The following TJP1 variants were observed in gnomAD, a reference collection of about 807,000 sequenced individuals.
TJP1 encodes tight junction protein 1, also known as tight junction protein ZO-1.
A neutral mutation model predicts 194.2 loss-of-function variants in TJP1; 43 were observed. The ratio of observed to expected loss-of-function variants is 0.22; its 90% CI spans 0.17 to 0.29. TJP1 has a LOEUF of 0.29. Among genes scored for constraint, TJP1 ranks in the 10% least tolerant of loss-of-function variants. The pLI is 1.00. For missense variants in TJP1, 1,971 were observed against 2,185.7 expected (o/e 0.90, Z 1.96); for synonymous variants, 801 against 779.0 (o/e 1.03, Z -0.47).
intron 2 of TJP1, among the ~76,000 whole-genome samples, chr15:29,954,584 C>T (rs1407252903): frequency 6.6e-6 from 1 of 152,136 alleles, no homozygotes; most frequent in Non-Finnish European, 1.5e-5. Flanking sequence ...GTTAGTTCTA[C>T]TCAGCAAGAA....
intron 23 of TJP1, among the ~76,000 whole-genome samples, chr15:29,712,253 T>C (rs980109330): frequency 6.6e-6 from 1 of 152,220 alleles, no homozygotes; most frequent in Non-Finnish European, 1.5e-5. Flanking sequence ...TTCATGAATT[T>C]AGACTAAGCC....
chr15:29,837,871 A>G (rs1299487214), intron 2 of TJP1, among the ~76,000 whole-genome samples: 4 of 152,160 alleles, frequency 2.6e-5, no homozygotes, highest in Non-Finnish European at 4.4e-5. Context: ...AGCGCACAAT[A>G]CACTGATTCC....
chr15:29,850,069 C>T (rs1485738180), intron 2 of TJP1, among the ~76,000 whole-genome samples: 1 of 152,142 alleles, frequency 6.6e-6, no homozygotes, highest in African/African-American at 2.4e-5. Context: ...AGGCCTCCTG[C>T]CAGCAGCCAT....
intron 1 of TJP1, among the ~76,000 whole-genome samples, chr15:29,803,062 T>C (rs1237553271): frequency 6.6e-6 from 1 of 152,146 alleles, no homozygotes; most frequent in Non-Finnish European, 1.5e-5. Flanking sequence ...GTTTAAACAT[T>C]AGTAGGGAAT....
rs1567054272 is a variant in TJP1 at position 29,800,676 on chromosome 15, T to C, written c.54A>G (p.Ile18Met). Reference protein sequence around the residue: ...AKSTAMEETAIWEQHTVTLHR... With the variant: ...AKSTAMEETAMWEQHTVTLHR... ...GAAGCGTCACTGTATGTTGTTCCCA[T>C]ATAGCTGTTTCCTCCATTGCTGTGC... Residue 18 changes from isoleucine to methionine, a missense_variant, in exon 2 of 28, where the codon ATA (isoleucine) becomes ATG (methionine). By Grantham distance (10) the Ile-to-Met change is conservative. Transcript: ENST00000614355. 3 of 1,613,918 alleles carry C rather than the reference T, an allele frequency of 1.9e-6. No homozygotes were observed. Among genetic ancestry groups the C allele is most frequent in the Admixed American group, 1.7e-5 (1 of 59,996 alleles).
At chr15:29,852,063 G>A (rs1270061275) in intron 2 of TJP1, among the ~76,000 whole-genome samples, 1 of 152,160 alleles carries the variant, frequency 6.6e-6, no homozygotes, top group Admixed American at 6.5e-5. Flanking sequence ...TCTCAAGCTA[G>A]GCAAAAATTT....
chr15:29,926,855 T>C (rs1000831381), intron 2 of TJP1, among the ~76,000 whole-genome samples: 2 of 152,280 alleles, frequency 1.3e-5, no homozygotes, highest in African/African-American at 4.8e-5. Context: ...TGAAAATGAC[T>C]GACACGTTTT....
intron 18 of TJP1, among the ~76,000 whole-genome samples, chr15:29,721,239 T>A (rs866412998): frequency 2.0e-5 from 3 of 152,184 alleles, no homozygotes; most frequent in South Asian, 2.1e-4. Context: ...TGAATTGTAA[T>A]CCCCAGTGTT....
intron 2 of TJP1, among the ~76,000 whole-genome samples, chr15:29,953,504 A>G (rs2055831388): frequency 6.6e-6 from 1 of 151,978 alleles, no homozygotes; most frequent in Non-Finnish European, 1.5e-5. Flanking sequence ...CAGAAATGCT[A>G]TATGCCCCTA....
At chr15:29,917,630 A>G (rs1449835382) in intron 2 of TJP1, among the ~76,000 whole-genome samples, 1 of 152,144 alleles carries the variant, frequency 6.6e-6, no homozygotes, top group Non-Finnish European at 1.5e-5. Context: ...CCAACCACAA[A>G]GGGAATAGTA....
At chr15:29,898,963 C>A (rs942032304) in intron 2 of TJP1, among the ~76,000 whole-genome samples, 1 of 152,006 alleles carries the variant, frequency 6.6e-6, no homozygotes, top group Non-Finnish European at 1.5e-5. Context: ...ATTTTGATTC[C>A]GTTTCAGCTA....
chr15:29,823,992 A>G (rs527336060), upstream of TJP1: 6 of 148,726 alleles, frequency 4.0e-5, no homozygotes, highest in African/African-American at 1.5e-4. Flanking sequence ...CTGAGGCAGA[A>G]GAATCACTTG....
chr15:29,816,185 A>C (rs2049906058), intron 1 of TJP1, among the ~76,000 whole-genome samples: 1 of 151,814 alleles, frequency 6.6e-6, no homozygotes, highest in African/African-American at 2.4e-5. Flanking sequence ...GTGCTACCAC[A>C]CCCGGCTAAT....
chr15:29,953,469 G>GA (rs1311363943), intron 2 of TJP1, among the ~76,000 whole-genome samples: 3 of 151,870 alleles, frequency 2.0e-5, no homozygotes, highest in South Asian at 2.1e-4. Context: ...AAAGTGTAGG[G>GA]AAAAAAATGT....
intron 2 of TJP1, among the ~76,000 whole-genome samples, chr15:29,860,698 G>A (rs1461402990): frequency 6.6e-6 from 1 of 152,078 alleles, no homozygotes; most frequent in Non-Finnish European, 1.5e-5. Context: ...CAATTAGGCT[G>A]TTTCCATCTT....
chr15:29,829,714 G>A (rs1486798413), intron 2 of TJP1, among the ~76,000 whole-genome samples: 3 of 151,530 alleles, frequency 2.0e-5, no homozygotes, highest in South Asian at 2.1e-4. Context: ...TTTACAATGT[G>A]TGTGTTATAA....
In TJP1 at chr15:29,761,772, G is replaced by A. The variant is rs2046022630; in HGVS notation, c.694-3C>T. 1.3e-6 allele frequency: 2 copies of A among 1,522,690 alleles called. No homozygotes were observed. The highest frequency in any genetic ancestry group is 1.8e-5 in the Admixed American group (1 of 54,212). 94.3% of individuals were successfully genotyped at this position (1,522,690 alleles called of 1,614,324 possible). ...TTTTCTGTCACAGTACCATTTATCT[G>A]CAACAGAAAATAAATTACAGCTTGA... On this transcript the variant is annotated splice_polypyrimidine_tract_variant and splice_region_variant and intron_variant, in intron 6 of 27. Transcript: ENST00000614355.
chr15:29,825,942 T>C (rs546050836), upstream of TJP1, among the ~76,000 whole-genome samples: 75 of 152,288 alleles, frequency 4.9e-4, no homozygotes, highest in Admixed American at 1.5e-3. Context: ...CTAAATTTCA[T>C]AGACCAGTAA....
At chr15:29,870,701 G>A (rs1357129456) in intron 2 of TJP1, among the ~76,000 whole-genome samples, 1 of 152,166 alleles carries the variant, frequency 6.6e-6, no homozygotes, top group Non-Finnish European at 1.5e-5. Context: ...ATTCCTGTCA[G>A]GAGAACTGTC....
Sources: allele counts gnomAD v4.1 joint callset (sites outside exome capture counted in the v4.1 genomes callset), GRCh38; gene constraint gnomAD v4.1.1; transcripts MANE v1.5; gene names NCBI Gene and HGNC (gene_info 2026-07-23, HGNC 2026-07-21).